Variants in MRTFA observed in about 807,000 individuals in gnomAD.
MRTFA encodes the protein myocardin related transcription factor A.
Under a neutral mutation model 83.5 loss-of-function variants are expected in MRTFA, and 20 were observed. The ratio of observed to expected loss-of-function variants is 0.24; its 90% CI spans 0.17 to 0.35. MRTFA has a LOEUF of 0.35. Among genes scored for constraint, MRTFA ranks in the 10% least tolerant of loss-of-function variants. MRTFA has a pLI of 1.00. For missense variants in MRTFA, 1,200 were observed against 1,224.7 expected (o/e 0.98, Z 0.30); for synonymous variants, 659 against 541.2 (o/e 1.22, Z -3.02).
chr22:40,539,167 A>T (rs1266692488), intron 3 of MRTFA, among the ~76,000 whole-genome samples: 3 of 143,542 alleles, frequency 2.1e-5, no homozygotes, highest in African/African-American at 7.8e-5. Context: ...GCTAATTTTT[A>T]TATATATTTT....
intron 1 of MRTFA, among the ~76,000 whole-genome samples, chr22:40,611,407 T>C (rs965506443): frequency 6.6e-6 from 1 of 151,834 alleles, no homozygotes; most frequent in East Asian, 1.9e-4. Flanking sequence ...TCCAGCTTTT[T>C]TTTTTAATTA....
intron 4 of MRTFA, among the ~76,000 whole-genome samples, chr22:40,457,436 G>GAGGA (rs2053606727): frequency 8.3e-6 from 1 of 119,818 alleles, no homozygotes; most frequent in Non-Finnish European, 1.7e-5. Context: ...AAGAAAGAAA[G>GAGGA]AGAAAGAAAG....
chr22:40,420,744 G>A (rs1180171637), intron 10 of MRTFA, 103 bp downstream of exon 10: 11 of 1,559,886 alleles, frequency 7.1e-6, no homozygotes, highest in African/African-American at 4.0e-5. Context: ...CCAGACCAGC[G>A]GGTCCTTAAA....
At position 40,411,338 on chromosome 22, in the gene MRTFA, T is replaced by G. The variant is rs999076348; in HGVS notation, c.*52A>C. 1.3e-5 allele frequency: 19 copies of G among 1,505,586 alleles called. No individual in the cohort carries two copies. The highest frequency in any genetic ancestry group is 2.8e-5 in the African/African-American group (2 of 71,756). 93.3% of individuals were successfully genotyped at this position (1,505,586 alleles called of 1,614,324 possible). ...CCGAATCACGCAGGAGAGCCACGCA[T>G]TGGAGTACCCTGGCTCCCAGCCCCT... On this transcript the variant is annotated 3_prime_UTR_variant, in exon 15 of 15. Transcript: ENST00000355630.
chr22:40,445,526 GGTTTT>G (rs377552812), intron 4 of MRTFA, among the ~76,000 whole-genome samples: 80 of 151,992 alleles, frequency 5.3e-4, no homozygotes, highest in African/African-American at 1.7e-3. Context: ...CAAGCCAAGG[GGTTTT>G]TTTTTGTTTT....
intron 4 of MRTFA, among the ~76,000 whole-genome samples, chr22:40,460,979 G>A (rs913730427): frequency 2.6e-5 from 4 of 151,220 alleles, no homozygotes; most frequent in Admixed American, 1.3e-4. Context: ...CAGGAGGACC[G>A]CTTGAGCCCA....
chr22:40,615,839 C>T (rs2056442999), intron 1 of MRTFA, among the ~76,000 whole-genome samples: 1 of 152,052 alleles, frequency 6.6e-6, no homozygotes, highest in African/African-American at 2.4e-5. Context: ...TGGCCACCAC[C>T]ATGCCCAGCT....
chr22:40,540,481 TTCTTTAC>T (rs1194813365), intron 3 of MRTFA, among the ~76,000 whole-genome samples: 2 of 152,110 alleles, frequency 1.3e-5, no homozygotes. Flanking sequence ...TCCATTATTG[TTCTTTAC>T]CACGTGGCTT....
At chr22:40,596,460 A>T (rs1329737110) in intron 1 of MRTFA, among the ~76,000 whole-genome samples, 4 of 152,146 alleles carry the variant, frequency 2.6e-5, no homozygotes, top group Non-Finnish European at 4.4e-5. Flanking sequence ...TGGGAGGATC[A>T]CTTGAGGCCA....
chr22:40,544,543 A>T (rs76893425), intron 3 of MRTFA, among the ~76,000 whole-genome samples: 4,949 of 152,296 alleles, frequency 0.032, 277 homozygotes, highest in African/African-American at 0.11. Flanking sequence ...AGAGATTCTT[A>T]ATCAAAAGAC....
intron 1 of MRTFA, among the ~76,000 whole-genome samples, chr22:40,616,897 G>A (rs768566084): frequency 2.6e-5 from 4 of 151,798 alleles, no homozygotes; most frequent in Non-Finnish European, 5.9e-5. Flanking sequence ...CCAGCAGTTC[G>A]AGCCCAGCCT....
rs532682374 is a variant in MRTFA at position 40,532,535 on chromosome 22, T to TA, written c.241+19570dup. Among the ~76,000 whole-genome samples the TA allele has an allele frequency of 9.3e-4, 141 of 152,308 alleles. 1 individual carries two copies. The Middle Eastern group carries it at 0.02, about 22-fold the overall frequency. ...ACCTGAAACACATAGCCTATATGCA[T>TA]AAAAAATGACTCATTATGGTCATAT... On this transcript the variant is annotated intron_variant, in intron 3 of 14. Transcript: ENST00000355630.
intron 11 of MRTFA, 119 bp downstream of exon 11, chr22:40,420,286 G>A: frequency 8.3e-7 from 1 of 1,208,728 alleles, no homozygotes; most frequent in Non-Finnish European, 1.2e-6. Flanking sequence ...GCCCTGCTCT[G>A]CTTTCCATGA....
At chr22:40,568,785 AC>A (rs1340710511) in intron 2 of MRTFA, among the ~76,000 whole-genome samples, 1 of 152,250 alleles carries the variant, frequency 6.6e-6, no homozygotes, top group East Asian at 1.9e-4. Context: ...GCTAAGACAC[AC>A]AGCAGCACTA....
At chr22:40,553,970 AAGG>A (rs1347985886) in intron 2 of MRTFA, among the ~76,000 whole-genome samples, 3 of 152,234 alleles carry the variant, frequency 2.0e-5, no homozygotes, top group Non-Finnish European at 4.4e-5. Flanking sequence ...CATGGAATCA[AAGG>A]AGATCATTTC....
At chr22:40,547,327 CAAT>C (rs2055380236) in intron 3 of MRTFA, among the ~76,000 whole-genome samples, 1 of 151,730 alleles carries the variant, frequency 6.6e-6, no homozygotes, top group South Asian at 2.1e-4. Flanking sequence ...CACACACACA[CAAT>C]GACAGATAAT....
chr22:40,498,273 A>ATAT (rs1569297933), intron 3 of MRTFA, among the ~76,000 whole-genome samples: 14 of 40,974 alleles, frequency 3.4e-4, no homozygotes, highest in Admixed American at 6.6e-4. Context: ...ATATATATAT[A>ATAT]TTTTTTTTTT....
rs773021353 is a variant in MRTFA at position 40,419,042 on chromosome 22, C to A, written c.1696G>T (p.Gly566Cys). The change falls in exon 12 of 15, where the codon GGC becomes TGC. Residue 566 changes from glycine (G) to cysteine (C), a missense_variant. Physicochemically the swap from Gly to Cys is radical, Grantham distance 159 (BLOSUM62 -3). Around this residue, in one of 2 missense-constraint regions of MRTFA, gnomAD observed 1,107 missense variants for 1,041.8 expected, o/e 1.06. Coordinates refer to ENST00000355630, the MANE Select transcript of MRTFA (RefSeq NM_020831.6). ...TCCCCGGGGGTGGAGTTTTCATCGC[C>A]CGTGCTGAGCAGTGAGCGCTCCGAG... 6.2e-7 allele frequency: 1 copy of A among 1,612,072 alleles called. No homozygotes were observed. The highest frequency in any genetic ancestry group is 8.5e-7 in the Non-Finnish European group (1 of 1,179,652).
chr22:40,461,016 T>C (rs982203042), intron 4 of MRTFA, among the ~76,000 whole-genome samples: 1 of 151,160 alleles, frequency 6.6e-6, no homozygotes, highest in East Asian at 2.0e-4. Flanking sequence ...CTGAGCAACA[T>C]AGGTAGACTC....
Sources: allele counts gnomAD v4.1 joint callset (sites outside exome capture counted in the v4.1 genomes callset), GRCh38; gene constraint gnomAD v4.1.1; regional missense constraint gnomAD v4.1.1; transcripts MANE v1.5; gene names NCBI Gene and HGNC (gene_info 2026-07-23, HGNC 2026-07-21).